The following TRIM13 variants were observed in gnomAD, a reference collection of about 807,000 sequenced individuals.
TRIM13 encodes tripartite motif containing 13, also known as E3 ubiquitin-protein ligase TRIM13.
A neutral mutation model predicts 27.1 loss-of-function variants in TRIM13; 15 were observed. That is an observed-to-expected ratio of 0.55 (90% CI 0.37 to 0.85). TRIM13 has a LOEUF of 0.85. Ranked by LOEUF, TRIM13 falls within the 40% of genes least tolerant of loss-of-function variation. The pLI, the probability that TRIM13 is intolerant of heterozygous loss-of-function variation, is 0.00. For missense variants in TRIM13, 402 were observed against 472.2 expected (o/e 0.85, Z 1.38); for synonymous variants, 193 against 171.5 (o/e 1.13, Z -0.98).
chr13:50,002,386 CAAAAAA>C (rs1566432745), intron 1 of TRIM13, among the ~76,000 whole-genome samples: 1 of 149,296 alleles, frequency 6.7e-6, no homozygotes, highest in Non-Finnish European at 1.5e-5. Context: ...AAGACTGTCT[CAAAAAA>C]ACAAAAACAA....
intron 1 of TRIM13, among the ~76,000 whole-genome samples, chr13:50,011,536 A>T (rs1228023040): frequency 6.6e-6 from 1 of 152,146 alleles, no homozygotes; most frequent in Non-Finnish European, 1.5e-5. Context: ...ATACCATTTC[A>T]TATTTGTGGG....
chr13:50,013,350 A>T lies in TRIM13; in HGVS notation c.*186A>T, dbSNP rs951617444. 4.1e-5 allele frequency: 22 copies of T among 535,834 alleles called. No individual in the cohort carries two copies. The African/African-American group carries it at 4.4e-4, about 11-fold the overall frequency. The allele number at this position is 535,834 out of a possible 1,614,324, so 33.2% of individuals were successfully genotyped here. On this transcript the variant is annotated 3_prime_UTR_variant, in exon 2 of 2. Transcript: ENST00000378182. ...AGTGAAATTTAGTAGTATAGGCCTG[A>T]ACCTTTTTTTGTTTAAAAGAGTGCT...
intron 1 of TRIM13, among the ~76,000 whole-genome samples, chr13:50,002,777 C>T (rs1208444281): frequency 6.6e-6 from 1 of 152,044 alleles, no homozygotes; most frequent in Non-Finnish European, 1.5e-5. Context: ...ATTTTCCTGC[C>T]TCAGCCTCCC....
chr13:50,001,977 A>G (rs1233754913), intron 1 of TRIM13, among the ~76,000 whole-genome samples: 3 of 152,212 alleles, frequency 2.0e-5, no homozygotes, highest in Non-Finnish European at 2.9e-5. Flanking sequence ...GAGAGAAACT[A>G]GTATGTATAA....
Position 50,015,590 on chromosome 13 carries a change from C to G in TRIM13, c.*2426C>G. The G allele has an allele frequency of 6.2e-7, 1 of 1,614,034 alleles. No homozygotes were observed. The highest frequency in any genetic ancestry group is 8.5e-7 in the Non-Finnish European group (1 of 1,179,932). On this transcript the variant is annotated 3_prime_UTR_variant, in exon 2 of 2. Transcript: ENST00000378182. ...GCAGTTTCCTGCTTCTCGTTTGGCA[C>G]GCATGTTAGATGGCAGAGACCAAGA... is the stretch of plus-strand genomic sequence containing the variant.
intron 1 of TRIM13, among the ~76,000 whole-genome samples, chr13:50,009,756 A>AC (rs569715955): frequency 0.21 from 23,943 of 112,526 alleles, 2,701 homozygotes; most frequent in Non-Finnish European, 0.3. Flanking sequence ...AAAAAAAAAA[A>AC]AACAACAACA....
Position 50,015,086 on chromosome 13 carries a change from AAAAAAAAAAT to A in TRIM13, c.*1924_*1933del, listed in dbSNP as rs1876239570. 3 of 56,798 alleles carry A rather than the reference AAAAAAAAAAT, an allele frequency of 5.3e-5. No homozygotes were observed. Among genetic ancestry groups the A allele is most frequent in the African/African-American group, 2.4e-4 (3 of 12,356 alleles). The allele number at this position is 56,798 out of a possible 1,614,324, so 3.5% of individuals were successfully genotyped here. A position where few individuals can be genotyped will look rare whatever the true frequency, so the allele number is the denominator to read the frequency against. ...TCCCCTCCCAGTAATAAAAAAAAAA[AAAAAAAAAAT>A]ATATATATATATATATATATATATA... On this transcript the variant is annotated 3_prime_UTR_variant, in exon 2 of 2. Transcript: ENST00000378182.
Position 50,013,322 on chromosome 13 carries a change from A to G in TRIM13, c.*158A>G. The G allele has an allele frequency of 1.2e-6, 1 of 805,444 alleles. No individual in the cohort carries two copies. The highest frequency in any genetic ancestry group is 1.8e-6 in the Non-Finnish European group (1 of 544,886). The allele number at this position is 805,444 out of a possible 1,614,324, so 49.9% of individuals were successfully genotyped here. A position where few individuals can be genotyped will look rare whatever the true frequency, so the allele number is the denominator to read the frequency against. ...TGTTCAAATTAGGTAGCATAAAGATAAAAGTGAAATTTAGTAGTATAGGCC... is the reference window on the plus strand; with the variant it reads ...TGTTCAAATTAGGTAGCATAAAGATGAAAGTGAAATTTAGTAGTATAGGCC... On this transcript the variant is annotated 3_prime_UTR_variant, in exon 2 of 2. Transcript: ENST00000378182.
In TRIM13 at chr13:50,012,452, C is replaced by T; in HGVS notation, c.512C>T (p.Ser171Phe). The change falls in exon 2 of 2, where the codon TCC (serine) becomes TTC (phenylalanine). Residue 171 changes from serine (S) to phenylalanine (F), a missense_variant. By Grantham distance (155) the Ser-to-Phe change is radical. Coordinates refer to ENST00000378182, the MANE Select transcript of TRIM13 (RefSeq NM_213590.3). ...LDTLETSKRKSLQLLTKDSDK... is the reference protein window; with the variant it reads ...LDTLETSKRKFLQLLTKDSDK... Reference sequence around the variant, plus strand: ...ACCTTGGAAACTAGTAAGAGGAAATCCCTACAGTTACTGACTAAAGATTCA... The same window carrying T: ...ACCTTGGAAACTAGTAAGAGGAAATTCCTACAGTTACTGACTAAAGATTCA... 1.9e-6 allele frequency: 3 copies of T among 1,613,988 alleles called. No individual in the cohort carries two copies. Among genetic ancestry groups the T allele is most frequent in the Admixed American group, 1.7e-5 (1 of 60,012 alleles).
At position 50,013,222 on chromosome 13, in the gene TRIM13, G is replaced by A; in HGVS notation, c.*58G>A. On this transcript the variant is annotated 3_prime_UTR_variant, in exon 2 of 2. Coordinates refer to ENST00000378182, the MANE Select transcript of TRIM13 (RefSeq NM_213590.3). ...AGAAATTGTTAGAGAATAGAGAGTG[G>A]TAATTCAGATTTGGTCAACGATTCT... 6.8e-7 allele frequency: 1 copy of A among 1,463,794 alleles called. No individual in the cohort carries two copies. Among genetic ancestry groups the A allele is most frequent in the Non-Finnish European group, 9.1e-7 (1 of 1,098,726 alleles). 90.7% of individuals were successfully genotyped at this position (1,463,794 alleles called of 1,614,324 possible). A position where few individuals can be genotyped will look rare whatever the true frequency, so the allele number is the denominator to read the frequency against.
In TRIM13 at chr13:50,013,249, G is replaced by C. The variant is rs1242514314; in HGVS notation, c.*85G>C. ...AATTCAGATTTGGTCAACGATTCTAGTCACATATTTTCCTCCAAAAGTATT... is the reference window on the plus strand; with the variant it reads ...AATTCAGATTTGGTCAACGATTCTACTCACATATTTTCCTCCAAAAGTATT... On this transcript the variant is annotated 3_prime_UTR_variant, in exon 2 of 2. Coordinates refer to ENST00000378182, the MANE Select transcript of TRIM13 (RefSeq NM_213590.3). 1 of 1,321,632 alleles carries C rather than the reference G, an allele frequency of 7.6e-7. No homozygotes were observed. The highest frequency in any genetic ancestry group is 1.0e-6 in the Non-Finnish European group (1 of 978,032). The allele number at this position is 1,321,632 out of a possible 1,614,324, so 81.9% of individuals were successfully genotyped here.
chr13:50,003,767 A>C (rs1874330503), intron 1 of TRIM13, among the ~76,000 whole-genome samples: 1 of 152,212 alleles, frequency 6.6e-6, no homozygotes, highest in African/African-American at 2.4e-5. Context: ...TCAAAAAAAT[A>C]AACTCATAGT....
chr13:50,002,939 G>A (rs1293975622), intron 1 of TRIM13, among the ~76,000 whole-genome samples: 1 of 152,110 alleles, frequency 6.6e-6, no homozygotes, highest in Non-Finnish European at 1.5e-5. Context: ...GGGATTACAT[G>A]CATGAGCCAA....
Position 50,015,934 on chromosome 13 carries a change from T to G in TRIM13, c.*2770T>G, listed in dbSNP as rs1391283548. On this transcript the variant is annotated 3_prime_UTR_variant, in exon 2 of 2. Coordinates refer to ENST00000378182, the MANE Select transcript of TRIM13 (RefSeq NM_213590.3). ...GGATTACAGTGTTTACAGAACAACC[T>G]TCAGCGCCGACCTGGAATGGTAACT... The G allele has an allele frequency of 6.2e-7, 1 of 1,614,096 alleles. No individual in the cohort carries two copies. The highest frequency in any genetic ancestry group is 1.1e-5 in the South Asian group (1 of 91,074).
In TRIM13 at chr13:50,015,282, G is replaced by A. The variant is rs377402083; in HGVS notation, c.*2118G>A. ...TCCTCATCTGTTGCTTTTTCATTTT[G>A]TATACTGCAAGTTCCCAGGCAACTC... On this transcript the variant is annotated 3_prime_UTR_variant, in exon 2 of 2. Transcript: ENST00000378182. 4.4e-6 allele frequency: 2 copies of A among 458,448 alleles called. No individual in the cohort carries two copies. The highest frequency in any genetic ancestry group is 5.4e-5 in the South Asian group (1 of 18,570). The allele number at this position is 458,448 out of a possible 1,614,324, so 28.4% of individuals were successfully genotyped here. A position where few individuals can be genotyped will look rare whatever the true frequency, so the allele number is the denominator to read the frequency against.
chr13:50,000,806 T>G (rs759833352), intron 1 of TRIM13, among the ~76,000 whole-genome samples: 2 of 152,228 alleles, frequency 1.3e-5, no homozygotes, highest in Non-Finnish European at 2.9e-5. Context: ...GCTAGTTGCA[T>G]GGATAACTTC....
rs1220696331 is a variant in TRIM13 at position 50,013,087 on chromosome 13, A to G, written c.1147A>G (p.Asn383Asp). 1.2e-6 allele frequency: 2 copies of G among 1,612,774 alleles called. No individual in the cohort carries two copies. Among genetic ancestry groups the G allele is most frequent in the Non-Finnish European group, 1.7e-6 (2 of 1,179,690 alleles). Residue 383 changes from asparagine to aspartate, a missense_variant, in exon 2 of 2, where the codon AAT becomes GAT. Physicochemically the swap from Asn to Asp is conservative, Grantham distance 23 (BLOSUM62 1). Around this residue, in one of 2 missense-constraint regions of TRIM13, gnomAD observed 200 missense variants for 194.7 expected, o/e 1.03. Transcript: ENST00000378182. ...EQVTDGFFIF[N>D]ERFKNFTLVV... ...GGTGACAGATGGGTTTTTCATTTTC[A>G]ATGAAAGATTCAAGAATTTTACTTT...
chr13:50,015,874 C>A lies in TRIM13; in HGVS notation c.*2710C>A, dbSNP rs746284967. On this transcript the variant is annotated 3_prime_UTR_variant, in exon 2 of 2. Transcript: ENST00000378182. ...CTCAAGCTTTTTTCAGGGTGTTTGG[C>A]TCTTGCAGCAAAACAATTGAGATGC... 1 of 1,614,140 alleles carries A rather than the reference C, an allele frequency of 6.2e-7. No individual in the cohort carries two copies. The highest frequency in any genetic ancestry group is 2.2e-5 in the East Asian group (1 of 44,886).
intron 1 of TRIM13, among the ~76,000 whole-genome samples, chr13:50,005,278 T>G (rs1874542620): frequency 6.6e-6 from 1 of 152,090 alleles, no homozygotes; most frequent in Non-Finnish European, 1.5e-5. Context: ...CCTTCAAAAC[T>G]TTGGAGGCAA....
Sources: allele counts gnomAD v4.1 joint callset (sites outside exome capture counted in the v4.1 genomes callset), GRCh38; gene constraint gnomAD v4.1.1; regional missense constraint gnomAD v4.1.1; transcripts MANE v1.5; gene names NCBI Gene and HGNC (gene_info 2026-07-23, HGNC 2026-07-21).